Variants in RASSF10 observed in about 807,000 individuals in gnomAD.
RASSF10 encodes Ras association domain family member 10.
A neutral mutation model predicts 41.5 loss-of-function variants in RASSF10; 22 were observed. That is an observed-to-expected ratio of 0.53 (90% CI 0.38 to 0.76). The LOEUF is 0.76. RASSF10 is among the 30% of genes least tolerant of loss of function. The pLI is 0.00. For synonymous variants in RASSF10, 364 were observed against 319.0 expected (o/e 1.14, Z -1.50); for missense variants, 776 against 711.8 (o/e 1.09, Z -1.03).
In RASSF10 at chr11:13,011,174, C is replaced by G. The variant is rs1949577527; in HGVS notation, c.*74C>G. On this transcript the variant is annotated 3_prime_UTR_variant, in exon 1 of 1. Transcript: ENST00000529419. Reference sequence around the variant, plus strand: ...TTGCAGAATGCAGTGGGCCAGCCGGCTCGCGGACTTGAAACCAGGCTGTTG... The same window carrying G: ...TTGCAGAATGCAGTGGGCCAGCCGGGTCGCGGACTTGAAACCAGGCTGTTG... The G allele has an allele frequency of 8.2e-7, 1 of 1,223,914 alleles. No homozygotes were observed. Among genetic ancestry groups the G allele is most frequent in the Admixed American group, 2.6e-5 (1 of 37,866 alleles). The allele number at this position is 1,223,914 out of a possible 1,614,324, so 75.8% of individuals were successfully genotyped here.
At position 13,010,671 on chromosome 11, in the gene RASSF10, G is replaced by A; in HGVS notation, c.1095G>A (p.Glu365=). 6.3e-7 allele frequency: 1 copy of A among 1,591,454 alleles called. No homozygotes were observed. Among genetic ancestry groups the A allele is most frequent in the Non-Finnish European group, 8.5e-7 (1 of 1,169,874 alleles). ...NQRWMRRRQE[E]LAAREEPLEP... ...GGTGGATGCGACGGCGCCAGGAGGAGCTGGCGGCGCGGGAGGAGCCCCTGG... is the reference window on the plus strand; with the variant it reads ...GGTGGATGCGACGGCGCCAGGAGGAACTGGCGGCGCGGGAGGAGCCCCTGG... Residue 365 remains glutamate (E), a synonymous_variant, in exon 1 of 1, where the codon GAG becomes GAA. Coordinates refer to ENST00000529419, the MANE Select transcript of RASSF10 (RefSeq NM_001080521.3). The surrounding 1 kb of genome is among the most constrained non-coding windows in gnomAD (Gnocchi z 4.8).
At position 13,010,021 on chromosome 11, in the gene RASSF10, C is replaced by T. The variant is rs2134212609; in HGVS notation, c.445C>T (p.Leu149=). 6.5e-7 allele frequency: 1 copy of T among 1,545,032 alleles called. No homozygotes were observed. The highest frequency in any genetic ancestry group is 1.4e-5 in the African/African-American group (1 of 73,070). The part of the protein sequence containing the change: ...GPRSAEARVV[L]SRERPCPARG... The stretch of plus-strand genomic sequence containing the variant: ...CCGCAGCGCCGAGGCGCGCGTAGTG[C>T]TGAGCCGAGAGCGCCCCTGTCCGGC... Residue 149 remains leucine, a synonymous_variant, in exon 1 of 1, where the codon CTG becomes TTG. Coordinates refer to ENST00000529419, the MANE Select transcript of RASSF10 (RefSeq NM_001080521.3). This position sits in a 1 kb window ranked among gnomAD's most constrained non-coding sequence, Gnocchi z 4.8.
At position 13,010,910 on chromosome 11, in the gene RASSF10, C is replaced by T. The variant is rs1310756812; in HGVS notation, c.1334C>T (p.Pro445Leu). Residue 445 changes from proline to leucine, a missense_variant, in exon 1 of 1, where the codon CCG (proline) becomes CTG (leucine). Coordinates refer to ENST00000529419, the MANE Select transcript of RASSF10 (RefSeq NM_001080521.3). The surrounding 1 kb of genome is among the most constrained non-coding windows in gnomAD (Gnocchi z 4.8). ...TLHTLELTVA[P>L]DGAPGSGSPS... is the part of the protein sequence containing the mutation. ...CACACTTTGGAGCTGACGGTGGCAC[C>T]GGATGGGGCTCCTGGCTCTGGCAGT... 6.2e-7 allele frequency: 1 copy of T among 1,613,750 alleles called. No individual in the cohort carries two copies. Among genetic ancestry groups the T allele is most frequent in the Non-Finnish European group, 8.5e-7 (1 of 1,179,882 alleles).
In RASSF10 at chr11:13,010,755, G is replaced by A. The variant is rs765264047; in HGVS notation, c.1179G>A (p.Gln393=). 3 of 1,605,416 alleles carry A rather than the reference G, an allele frequency of 1.9e-6. No individual in the cohort carries two copies. The highest frequency in any genetic ancestry group is 1.7e-5 in the Admixed American group (1 of 58,570). The stretch of plus-strand genomic sequence containing the variant: ...TGGAGCAGGAACGGGTCAGGACGCA[G>A]CTCAGTACCAGCCTTTACATTGGGC... ...LLLEQERVRT[Q]LSTSLYIGLR... is the part of the protein sequence containing the mutation. The change falls in exon 1 of 1, where the codon CAG becomes CAA. Residue 393 remains glutamine (Q), a synonymous_variant. Coordinates refer to ENST00000529419, the MANE Select transcript of RASSF10 (RefSeq NM_001080521.3). The surrounding 1 kb of genome is among the most constrained non-coding windows in gnomAD (Gnocchi z 4.8).
chr11:13,010,854 G>A lies in RASSF10; in HGVS notation c.1278G>A (p.Lys426=). ...GCCAGCAGCAATGGGACAGCAAGAA[G>A]CGCGAGCTACAGGGCCTTCTGCAAA... The part of the protein sequence containing the change: ...DYSQQQWDSK[K]RELQGLLQTL... The change falls in exon 1 of 1, where the codon AAG becomes AAA. Residue 426 remains lysine (K), a synonymous_variant. Transcript: ENST00000529419. The surrounding 1 kb of genome is among the most constrained non-coding windows in gnomAD (Gnocchi z 4.8). 6.2e-7 allele frequency: 1 copy of A among 1,613,962 alleles called. No homozygotes were observed.
rs908017922 is a variant in RASSF10 at position 13,010,532 on chromosome 11, T to G, written c.956T>G (p.Leu319Arg). The change falls in exon 1 of 1, where the codon CTG becomes CGG. Residue 319 changes from leucine to arginine, a missense_variant. Transcript: ENST00000529419. This position sits in a 1 kb window ranked among gnomAD's most constrained non-coding sequence, Gnocchi z 4.8. Reference protein sequence around the residue: ...PLAGEAQAAALEELARRCDDL... With the variant: ...PLAGEAQAAAREELARRCDDL... Reference sequence around the variant, plus strand: ...GCCGGCGAGGCGCAGGCGGCGGCGCTGGAGGAGCTGGCCCGGCGCTGCGAC... The same window carrying G: ...GCCGGCGAGGCGCAGGCGGCGGCGCGGGAGGAGCTGGCCCGGCGCTGCGAC... 1.3e-6 allele frequency: 2 copies of G among 1,526,030 alleles called. No individual in the cohort carries two copies. Among genetic ancestry groups the G allele is most frequent in the Non-Finnish European group, 1.8e-6 (2 of 1,135,582 alleles). 94.5% of individuals were successfully genotyped at this position (1,526,030 alleles called of 1,614,324 possible).
chr11:13,010,676 C>T lies in RASSF10; in HGVS notation c.1100C>T (p.Ala367Val). The T allele has an allele frequency of 6.3e-7, 1 of 1,590,462 alleles. No homozygotes were observed. The highest frequency in any genetic ancestry group is 1.8e-5 in the Admixed American group (1 of 55,946). ...ATGCGACGGCGCCAGGAGGAGCTGG[C>T]GGCGCGGGAGGAGCCCCTGGAGCCC... is the stretch of plus-strand genomic sequence containing the variant. ...RWMRRRQEEL[A>V]AREEPLEPDG... Residue 367 changes from alanine (A) to valine (V), a missense_variant, in exon 1 of 1, where the codon GCG becomes GTG. Coordinates refer to ENST00000529419, the MANE Select transcript of RASSF10 (RefSeq NM_001080521.3). This position sits in a 1 kb window ranked among gnomAD's most constrained non-coding sequence, Gnocchi z 4.8.
rs745464070 is a variant in RASSF10, at chr11:13,010,620, C to G, written c.1044C>G (p.Ala348=). ...AGGAGTTGCTGGAGCGCCTTTCAGC[C>G]GAGATTCAGGAGGAACTCAACCAGA... The part of the protein sequence containing the change: ...QQEELLERLS[A]EIQEELNQRW... Residue 348 remains alanine (A), a synonymous_variant, in exon 1 of 1, where the codon GCC becomes GCG. Transcript: ENST00000529419. This position sits in a 1 kb window ranked among gnomAD's most constrained non-coding sequence, Gnocchi z 4.8. The G allele has an allele frequency of 1.9e-6, 3 of 1,588,728 alleles. No homozygotes were observed. The highest frequency in any genetic ancestry group is 1.7e-6 in the Non-Finnish European group (2 of 1,168,514).
chr11:13,009,992 G>A lies in RASSF10; in HGVS notation c.416G>A (p.Gly139Asp), dbSNP rs1210334070. Residue 139 changes from glycine (G) to aspartate (D), a missense_variant, in exon 1 of 1, where the codon GGC (glycine) becomes GAC (aspartate). By Grantham distance (94) the Gly-to-Asp change is moderately conservative. Coordinates refer to ENST00000529419, the MANE Select transcript of RASSF10 (RefSeq NM_001080521.3). The part of the protein sequence containing the change: ...VRSEASLPNA[G>D]PRSAEARVVL... ...AGCGAGGCATCGCTGCCTAACGCCG[G>A]CCCCCGCAGCGCCGAGGCGCGCGTA... 2.6e-6 allele frequency: 4 copies of A among 1,545,274 alleles called. No homozygotes were observed. Among genetic ancestry groups the A allele is most frequent in the Non-Finnish European group, 3.5e-6 (4 of 1,143,630 alleles).
Position 13,009,655 on chromosome 11 carries a change from A to G in RASSF10, c.79A>G (p.Thr27Ala). 1 of 1,606,910 alleles carries G rather than the reference A, an allele frequency of 6.2e-7. No homozygotes were observed. The highest frequency in any genetic ancestry group is 8.5e-7 in the Non-Finnish European group (1 of 1,177,242). Residue 27 changes from threonine to alanine, a missense_variant, in exon 1 of 1, where the codon ACT becomes GCT. Transcript: ENST00000529419. ...GGTGTCCGGCCTCTCCCGCCGCACC[A>G]CTTGCTCCGACGTTGTGCGAGTGCT... The part of the protein sequence containing the change: ...KLVSGLSRRT[T>A]CSDVVRVLLE...
rs1949557334 is a variant in RASSF10, at chr11:13,009,667, G to A, written c.91G>A (p.Val31Ile). The stretch of plus-strand genomic sequence containing the variant: ...CTCCCGCCGCACCACTTGCTCCGAC[G>A]TTGTGCGAGTGCTTTTGGAGGACGG... ...GLSRRTTCSDVVRVLLEDGCR... is the reference protein window; with the variant it reads ...GLSRRTTCSDIVRVLLEDGCR... The change falls in exon 1 of 1, where the codon GTT becomes ATT. Residue 31 changes from valine to isoleucine, a missense_variant. Coordinates refer to ENST00000529419, the MANE Select transcript of RASSF10 (RefSeq NM_001080521.3). 4.4e-6 allele frequency: 7 copies of A among 1,605,410 alleles called. No homozygotes were observed. Among genetic ancestry groups the A allele is most frequent in the Admixed American group, 1.7e-5 (1 of 58,856 alleles).
Position 13,010,107 on chromosome 11 carries a change from G to C in RASSF10, c.531G>C (p.Val177=). ...AMTQEKQRRV[V]RKAFRKLAKL... ...CCCAGGAGAAACAGCGGCGAGTGGT[G>C]CGCAAGGCCTTTCGCAAACTGGCCA... Residue 177 remains valine, a synonymous_variant, in exon 1 of 1, where the codon GTG becomes GTC. Coordinates refer to ENST00000529419, the MANE Select transcript of RASSF10 (RefSeq NM_001080521.3). This position sits in a 1 kb window ranked among gnomAD's most constrained non-coding sequence, Gnocchi z 4.8. The C allele has an allele frequency of 6.4e-7, 1 of 1,551,772 alleles. No homozygotes were observed. The highest frequency in any genetic ancestry group is 2.4e-5 in the East Asian group (1 of 40,916).
Position 13,010,805 on chromosome 11 carries a change from C to A in RASSF10, c.1229C>A (p.Ala410Asp). 1 of 1,613,484 alleles carries A rather than the reference C, an allele frequency of 6.2e-7. No homozygotes were observed. Among genetic ancestry groups the A allele is most frequent in the Non-Finnish European group, 8.5e-7 (1 of 1,179,710 alleles). ...CTGCGGCTCAACACGGACCTAGAGG[C>A]CGTCAAGTCGGACTTGGATTACAGC... The part of the protein sequence containing the change: ...IGLRLNTDLE[A>D]VKSDLDYSQQ... The change falls in exon 1 of 1, where the codon GCC becomes GAC. Residue 410 changes from alanine (A) to aspartate (D), a missense_variant. By Grantham distance (126) the Ala-to-Asp change is moderately radical. Coordinates refer to ENST00000529419, the MANE Select transcript of RASSF10 (RefSeq NM_001080521.3). This position sits in a 1 kb window ranked among gnomAD's most constrained non-coding sequence, Gnocchi z 4.8.
At position 13,010,809 on chromosome 11, in the gene RASSF10, C is replaced by G; in HGVS notation, c.1233C>G (p.Val411=). The G allele has an allele frequency of 6.2e-7, 1 of 1,613,632 alleles. No individual in the cohort carries two copies. The highest frequency in any genetic ancestry group is 8.5e-7 in the Non-Finnish European group (1 of 1,179,768). ...GGCTCAACACGGACCTAGAGGCCGT[C>G]AAGTCGGACTTGGATTACAGCCAGC... ...GLRLNTDLEA[V]KSDLDYSQQQ... The change falls in exon 1 of 1, where the codon GTC becomes GTG. Residue 411 remains valine (V), a synonymous_variant. Coordinates refer to ENST00000529419, the MANE Select transcript of RASSF10 (RefSeq NM_001080521.3). The surrounding 1 kb of genome is among the most constrained non-coding windows in gnomAD (Gnocchi z 4.8).
rs376827465 is a variant in RASSF10, at chr11:13,009,383, G to T, written c.-194G>T. ...GGAGCGCCCGTCGTCCGGGCAGAGC[G>T]CAGCCGCAACCGCGACCACAGCCGC... On this transcript the variant is annotated 5_prime_UTR_variant, in exon 1 of 1. Coordinates refer to ENST00000529419, the MANE Select transcript of RASSF10 (RefSeq NM_001080521.3). The T allele has an allele frequency of 5.3e-6, 7 of 1,314,966 alleles. No homozygotes were observed. In the South Asian group the frequency reaches 5.5e-5, roughly 10 times the overall value. The allele number at this position is 1,314,966 out of a possible 1,614,324, so 81.5% of individuals were successfully genotyped here.
Position 13,009,570 on chromosome 11 carries a change from T to C in RASSF10, c.-7T>C, listed in dbSNP as rs750446713. ...GCCGGACCTGCCACCTGCGCCCTGG[T>C]TGCGCCATGGATCCTTCGGAAAAGA... On this transcript the variant is annotated 5_prime_UTR_variant, in exon 1 of 1. Coordinates refer to ENST00000529419, the MANE Select transcript of RASSF10 (RefSeq NM_001080521.3). 3.7e-6 allele frequency: 6 copies of C among 1,604,180 alleles called. 1 individual carries two copies.
In RASSF10 at chr11:13,010,574, A is replaced by C. The variant is rs1315416985; in HGVS notation, c.998A>C (p.Gln333Pro). Residue 333 changes from glutamine (Q) to proline (P), a missense_variant, in exon 1 of 1, where the codon CAG (glutamine) becomes CCG (proline). Coordinates refer to ENST00000529419, the MANE Select transcript of RASSF10 (RefSeq NM_001080521.3). The surrounding 1 kb of genome is among the most constrained non-coding windows in gnomAD (Gnocchi z 4.8). ...CGCTGCGACGACTTGCTGCGGCTTCAGGAGCAACGGGTTCAGCAGGAGGAG... is the reference window on the plus strand; with the variant it reads ...CGCTGCGACGACTTGCTGCGGCTTCCGGAGCAACGGGTTCAGCAGGAGGAG... ...ARRCDDLLRL[Q>P]EQRVQQEELL... is the part of the protein sequence containing the mutation. 9.0e-6 allele frequency: 14 copies of C among 1,559,348 alleles called. No homozygotes were observed. The highest frequency in any genetic ancestry group is 1.2e-5 in the Non-Finnish European group (14 of 1,151,202).
In RASSF10 at chr11:13,010,530, G is replaced by A. The variant is rs1440583321; in HGVS notation, c.954G>A (p.Ala318=). The change falls in exon 1 of 1, where the codon GCG becomes GCA. Residue 318 remains alanine (A), a synonymous_variant. Coordinates refer to ENST00000529419, the MANE Select transcript of RASSF10 (RefSeq NM_001080521.3). The surrounding 1 kb of genome is among the most constrained non-coding windows in gnomAD (Gnocchi z 4.8). ...PPLAGEAQAA[A]LEELARRCDD... ...TAGCCGGCGAGGCGCAGGCGGCGGC[G>A]CTGGAGGAGCTGGCCCGGCGCTGCG... 5 of 1,524,596 alleles carry A rather than the reference G, an allele frequency of 3.3e-6. No individual in the cohort carries two copies. The highest frequency in any genetic ancestry group is 4.4e-6 in the Non-Finnish European group (5 of 1,134,814). 94.4% of individuals were successfully genotyped at this position (1,524,596 alleles called of 1,614,324 possible). A position where few individuals can be genotyped will look rare whatever the true frequency, so the allele number is the denominator to read the frequency against.
chr11:13,011,092 C>A lies in RASSF10; in HGVS notation c.1516C>A (p.Leu506Ile). ...DSDSLPMCES[L>I]V Reference sequence around the variant, plus strand: ...GGACTCCTTGCCCATGTGCGAATCCCTTGTGTAGGGGTGGGGGGCGGGGGG... The same window carrying A: ...GGACTCCTTGCCCATGTGCGAATCCATTGTGTAGGGGTGGGGGGCGGGGGG... Residue 506 changes from leucine (L) to isoleucine (I), a missense_variant, in exon 1 of 1, where the codon CTT (leucine) becomes ATT (isoleucine). Coordinates refer to ENST00000529419, the MANE Select transcript of RASSF10 (RefSeq NM_001080521.3). 7.6e-7 allele frequency: 1 copy of A among 1,318,742 alleles called. No homozygotes were observed. The highest frequency in any genetic ancestry group is 1.0e-6 in the Non-Finnish European group (1 of 1,000,764). 81.7% of individuals were successfully genotyped at this position (1,318,742 alleles called of 1,614,324 possible). A position where few individuals can be genotyped will look rare whatever the true frequency, so the allele number is the denominator to read the frequency against.
Sources: gnomAD v4.1 joint callset for allele counts on GRCh38, gnomAD v4.1.1 for gene constraint, Gnocchi (gnomAD v3.1) non-coding constraint, MANE v1.5 for transcripts, NCBI Gene and HGNC (gene_info 2026-07-23, HGNC 2026-07-21) for gene names.